Variants in DISC1 observed in about 807,000 individuals in gnomAD.
DISC1 encodes disrupted in schizophrenia 1 protein.
A neutral mutation model predicts 84.5 loss-of-function variants in DISC1; 57 were observed. The observed-to-expected ratio is 0.67, with a 90% CI of 0.55 to 0.84. The LOEUF is 0.84. Among genes scored for constraint, DISC1 ranks in the 40% least tolerant of loss-of-function variants. The pLI is 0.00. For synonymous variants in DISC1, 411 were observed against 415.2 expected (o/e 0.99, Z 0.12); for missense variants, 1,000 against 1,057.8 (o/e 0.95, Z 0.76).
rs1237126261 is a variant in DISC1, at chr1:231,805,726, G to A, written c.1792+5516G>A. On this transcript the variant is annotated intron_variant, in intron 8 of 12. Transcript: ENST00000439617. The stretch of plus-strand genomic sequence containing the variant: ...CCCTATGATCCAATCACCTTCCACC[G>A]GGCCCCACCTCCAGCACTGAGGATT... 3.9e-5 allele frequency among the ~76,000 whole-genome samples: 6 copies of A among 152,044 alleles called. No homozygotes were observed. In the East Asian group the frequency reaches 5.8e-4, roughly 15 times the overall value.
At chr1:231,830,995 G>T (rs2082181187) in intron 9 of DISC1, among the ~76,000 whole-genome samples, 1 of 152,190 alleles carries the variant, frequency 6.6e-6, no homozygotes, top group South Asian at 2.1e-4. Flanking sequence ...ACTGTATTGA[G>T]GTGGGAAGGC....
intron 9 of DISC1, among the ~76,000 whole-genome samples, chr1:231,883,773 A>G (rs895058108): frequency 2.0e-5 from 3 of 152,158 alleles, no homozygotes; most frequent in Admixed American, 1.3e-4. Context: ...GGATGGTGCA[A>G]TTGACTGAGG....
At chr1:231,884,804 A>G (rs999510329) in intron 9 of DISC1, among the ~76,000 whole-genome samples, 2 of 152,200 alleles carry the variant, frequency 1.3e-5, no homozygotes, top group African/African-American at 2.4e-5. Context: ...AGATGGAAAA[A>G]AAAAAAAAGA....
intron 9 of DISC1, among the ~76,000 whole-genome samples, chr1:231,911,119 T>A (rs1334991950): frequency 6.6e-6 from 1 of 152,160 alleles, no homozygotes; most frequent in Admixed American, 6.5e-5. Context: ...TGGGTCTTGA[T>A]TCTTTATCCA....
intron 10 of DISC1, among the ~76,000 whole-genome samples, chr1:231,980,564 A>G (rs1369471099): frequency 6.6e-6 from 1 of 152,206 alleles, no homozygotes; most frequent in Non-Finnish European, 1.5e-5. Flanking sequence ...TTGCCAAAAA[A>G]ATATTTTTCT....
At chr1:231,662,465 G>A (rs573240747) in intron 1 of DISC1, among the ~76,000 whole-genome samples, 1 of 152,320 alleles carries the variant, frequency 6.6e-6, no homozygotes, top group South Asian at 2.1e-4. Context: ...AGCCCCCACA[G>A]GGAGGTCCCT....
intron 6 of DISC1, among the ~76,000 whole-genome samples, chr1:231,785,205 A>G (rs1486568445): frequency 2.0e-5 from 3 of 148,052 alleles, no homozygotes; most frequent in African/African-American, 7.6e-5. Flanking sequence ...AAGGTTGTTA[A>G]TGTCAACAGA....
chr1:231,866,617 G>T (rs373430632), intron 9 of DISC1: 1 of 1,564,020 alleles, frequency 6.4e-7, no homozygotes, highest in Non-Finnish European at 8.8e-7. Flanking sequence ...TTTGAACCCA[G>T]AGAGTCTGAC....
intron 10 of DISC1, among the ~76,000 whole-genome samples, chr1:231,967,996 C>A (rs1661346310): frequency 6.6e-6 from 1 of 152,104 alleles, no homozygotes; most frequent in Non-Finnish European, 1.5e-5. Context: ...TCTAGACACT[C>A]AATTAAGTAT....
chr1:231,922,817 C>T (rs201908544), intron 9 of DISC1, among the ~76,000 whole-genome samples: 2 of 152,138 alleles, frequency 1.3e-5, no homozygotes, highest in Non-Finnish European at 2.9e-5. Context: ...CTCCAGCAGG[C>T]GCTCCTCAGA....
At chr1:231,741,749 A>G (rs2073309836) in intron 3 of DISC1, among the ~76,000 whole-genome samples, 1 of 152,192 alleles carries the variant, frequency 6.6e-6, no homozygotes, top group Non-Finnish European at 1.5e-5. Context: ...TGGCAATGGG[A>G]ACAGCAGATT....
chr1:231,826,995 CT>C lies in DISC1; in HGVS notation c.1981+8489del, dbSNP rs879833455. 1.1e-4 allele frequency among the ~76,000 whole-genome samples: 16 copies of C among 148,308 alleles called. No homozygotes were observed. Among genetic ancestry groups the C allele is most frequent in the Non-Finnish European group, 1.5e-4 (10 of 66,702 alleles). On this transcript the variant is annotated intron_variant, in intron 9 of 12. Transcript: ENST00000439617. The surrounding 1 kb of genome is among the most constrained non-coding windows in gnomAD (Gnocchi z 4.2). ...TTTGAACTTTAGTTAAATAAAACAA[CT>C]TTTTTTTTTTGAGACAGAGTCTCAG... is the stretch of plus-strand genomic sequence containing the variant.
At chr1:231,707,278 G>A (rs1242171188) in intron 3 of DISC1, among the ~76,000 whole-genome samples, 2 of 152,260 alleles carry the variant, frequency 1.3e-5, no homozygotes, top group South Asian at 2.1e-4. Context: ...ACTTTATAAT[G>A]TCTGCACAGA....
At chr1:231,673,651 C>T (rs6692082) in intron 1 of DISC1, among the ~76,000 whole-genome samples, 6,671 of 152,278 alleles carry the variant, frequency 0.044, 483 homozygotes, top group African/African-American at 0.15. Context: ...TGAAACCAAA[C>T]GGACTACAGC....
chr1:231,911,570 T>TG (rs2089209812), intron 9 of DISC1, among the ~76,000 whole-genome samples: 2 of 152,244 alleles, frequency 1.3e-5, no homozygotes, highest in South Asian at 4.1e-4. Flanking sequence ...CTTCCCTTTG[T>TG]GGGTAACCTG....
chr1:231,696,890 T>C (rs997891959), intron 2 of DISC1, among the ~76,000 whole-genome samples: 1 of 152,214 alleles, frequency 6.6e-6, no homozygotes, highest in African/African-American at 2.4e-5. Flanking sequence ...ATAATGCATT[T>C]CTCAGAATGC....
At position 232,036,834 on chromosome 1, in the gene DISC1, A is replaced by C; in HGVS notation, c.*3A>C. 1.6e-6 allele frequency: 2 copies of C among 1,274,372 alleles called. No homozygotes were observed. The highest frequency in any genetic ancestry group is 2.1e-6 in the Non-Finnish European group (2 of 943,576). The allele number at this position is 1,274,372 out of a possible 1,614,324, so 78.9% of individuals were successfully genotyped here. Reference sequence around the variant, plus strand: ...GTGTCCACGAAGCACAAGCCTGAGGAGTGACGGGATGGGGGAGGGAGGTGG... The same window carrying C: ...GTGTCCACGAAGCACAAGCCTGAGGCGTGACGGGATGGGGGAGGGAGGTGG... On this transcript the variant is annotated 3_prime_UTR_variant, in exon 13 of 13. Transcript: ENST00000439617.
intron 3 of DISC1, among the ~76,000 whole-genome samples, chr1:231,732,006 A>G (rs144640225): frequency 2.1e-3 from 327 of 152,322 alleles, no homozygotes; most frequent in Non-Finnish European, 3.4e-3. Context: ...AGTAAAATTA[A>G]GGTTTGACTT....
chr1:231,879,906 TG>T (rs941346341), intron 9 of DISC1, among the ~76,000 whole-genome samples: 16 of 152,204 alleles, frequency 1.1e-4, no homozygotes, highest in Non-Finnish European at 1.0e-4. Context: ...TACAGAGGTC[TG>T]GACTCAGAGT....
Sources: allele counts gnomAD v4.1 joint callset (sites outside exome capture counted in the v4.1 genomes callset), GRCh38; gene constraint gnomAD v4.1.1; non-coding constraint Gnocchi (gnomAD v3.1); transcripts MANE v1.5; gene names NCBI Gene and HGNC (gene_info 2026-07-23, HGNC 2026-07-21).